The following SLC4A5 variants were observed in gnomAD, a reference collection of about 807,000 sequenced individuals.
SLC4A5 encodes the protein electrogenic sodium bicarbonate cotransporter 4.
A neutral mutation model predicts 120.4 loss-of-function variants in SLC4A5; 96 were observed. The observed-to-expected ratio is 0.80, with a 90% CI of 0.68 to 0.94. The LOEUF is 0.94. Ranked by LOEUF, SLC4A5 falls within the 40% of genes least tolerant of loss-of-function variation. The probability of loss-of-function intolerance (pLI) is 0.00; values close to 1 mark genes in which losing one functional copy is unlikely to be tolerated. For synonymous variants in SLC4A5, 550 were observed against 571.1 expected, an observed-to-expected ratio of 0.96 and a Z score of 0.53; for missense variants, 1,259 against 1,459.5, an observed-to-expected ratio of 0.86 and a Z score of 2.24.
At chr2:74,242,713 C>T (rs1485304433) in intron 19 of SLC4A5, among the ~76,000 whole-genome samples, 6 of 152,268 alleles carry the variant, frequency 3.9e-5, no homozygotes, top group South Asian at 4.1e-4. Flanking sequence ...AGTGCAGTGG[C>T]GTGATCTTAG....
chr2:74,239,405 A>C (rs1218462592), exon 21 of SLC4A5: 1 of 1,614,222 alleles, frequency 6.2e-7, no homozygotes, highest in Non-Finnish European at 8.5e-7. Context: ...CCCAAAGAAA[A>C]GGATGAAGGA....
At chr2:74,244,991 C>T (rs1035653784) in intron 19 of SLC4A5, among the ~76,000 whole-genome samples, 14 of 152,072 alleles carry the variant, frequency 9.2e-5, no homozygotes, top group Non-Finnish European at 1.6e-4. Context: ...TAGAGCACCC[C>T]GGGTTTGTTT....
At chr2:74,323,814 C>T (rs192290191) in intron 5 of SLC4A5, among the ~76,000 whole-genome samples, 43 of 152,276 alleles carry the variant, frequency 2.8e-4, no homozygotes, top group African/African-American at 1.0e-3. Context: ...AAAGAGATGT[C>T]TGTGGTTGTA....
chr2:74,300,978 A>G (rs1449647129), intron 7 of SLC4A5, among the ~76,000 whole-genome samples: 2 of 152,150 alleles, frequency 1.3e-5, no homozygotes, highest in Non-Finnish European at 2.9e-5. Context: ...GAAGCATCAA[A>G]TTTCTTTAGG....
intron 25 of SLC4A5, among the ~76,000 whole-genome samples, chr2:74,228,543 T>C (rs1174886774): frequency 2.0e-5 from 3 of 152,008 alleles, no homozygotes; most frequent in African/African-American, 7.3e-5. Context: ...GGCAGAAGAA[T>C]CGCTTGAATC....
intron 11 of SLC4A5, among the ~76,000 whole-genome samples, chr2:74,261,419 T>C (rs1458478179): frequency 3.9e-5 from 6 of 152,312 alleles, no homozygotes; most frequent in African/African-American, 1.2e-4. Context: ...AGGGGCTGCA[T>C]TGCCCCCAAG....
At chr2:74,340,133 G>GAAC (rs1673592563) in intron 2 of SLC4A5, among the ~76,000 whole-genome samples, 1 of 152,140 alleles carries the variant, frequency 6.6e-6, no homozygotes, top group African/African-American at 2.4e-5. Flanking sequence ...TTGTATTACA[G>GAAC]AACAATGTGA....
At chr2:74,261,917 A>G (rs192721556) in intron 11 of SLC4A5, among the ~76,000 whole-genome samples, 10 of 152,240 alleles carry the variant, frequency 6.6e-5, no homozygotes, top group African/African-American at 2.4e-4. Context: ...GATGTGACTG[A>G]CAGCCTCATT....
At position 74,253,665 on chromosome 2, in the gene SLC4A5, T is replaced by C. The variant is rs145115170; in HGVS notation, c.1114-537A>G. Among the ~76,000 whole-genome samples, 498 of 152,320 alleles carry C rather than the reference T, an allele frequency of 3.3e-3. 2 individuals are homozygous for C. The highest frequency in any genetic ancestry group is 0.012 in the African/African-American group (478 of 41,560). ...ATTTAATTTTACATAAACACACTCT[T>C]TGAGGCCGAAGCAAATCTGACTGAT... On this transcript the variant is annotated intron_variant, in intron 14 of 30. Coordinates refer to ENST00000394019, the Ensembl canonical transcript of SLC4A5.
At chr2:74,261,083 T>A (rs565555565) in intron 11 of SLC4A5, among the ~76,000 whole-genome samples, 1 of 152,292 alleles carries the variant, frequency 6.6e-6, no homozygotes, top group Admixed American at 6.5e-5. Flanking sequence ...CTCTGATCCT[T>A]CCCCTGTGCG....
rs750172235 is a variant in SLC4A5, at chr2:74,292,007, C to T, written c.272-6105G>A. Among the ~76,000 whole-genome samples the T allele has an allele frequency of 2.6e-5, 4 of 152,292 alleles. No homozygotes were observed. The East Asian group carries it at 5.8e-4, about 22-fold the overall frequency. On this transcript the variant is annotated intron_variant, in intron 7 of 30. Transcript: ENST00000394019. ...TCATGTGGTGTTTTAAGAGCCCAGA[C>T]CTGGGCTCAACTCCAGACTCTGCTA... is the stretch of plus-strand genomic sequence containing the variant.
At chr2:74,277,400 C>T (rs1043066375) in intron 8 of SLC4A5, among the ~76,000 whole-genome samples, 1 of 152,016 alleles carries the variant, frequency 6.6e-6, no homozygotes, top group Non-Finnish European at 1.5e-5. Context: ...AACGCAAAAA[C>T]TAGTCAGGCA....
Position 74,254,942 on chromosome 2 carries a change from C to A in SLC4A5, c.1026-236G>T, listed in dbSNP as rs147403645. On this transcript the variant is annotated intron_variant, in intron 13 of 30. Coordinates refer to ENST00000394019, the Ensembl canonical transcript of SLC4A5. Reference sequence around the variant, plus strand: ...TCAAGTGATCCTCCCACCTCAGCCTCCTGAGTAGCTGGGACTACAGGCGTG... The same window carrying A: ...TCAAGTGATCCTCCCACCTCAGCCTACTGAGTAGCTGGGACTACAGGCGTG... Among the ~76,000 whole-genome samples the A allele has an allele frequency of 6.4e-4, 97 of 152,090 alleles. 1 individual carries two copies. Among genetic ancestry groups the A allele is most frequent in the African/African-American group, 2.2e-3 (91 of 41,484 alleles).
intron 15 of SLC4A5, 97 bp from the exon 16 acceptor site, chr2:74,252,485 G>A (rs1670825192): frequency 4.2e-6 from 6 of 1,437,502 alleles, no homozygotes; most frequent in Admixed American, 4.1e-5. Flanking sequence ...AGACAAAAAT[G>A]CAGAAAATTG....
intron 8 of SLC4A5, among the ~76,000 whole-genome samples, chr2:74,270,195 A>C (rs1671428844): frequency 6.6e-6 from 1 of 152,356 alleles, no homozygotes; most frequent in South Asian, 2.1e-4. Flanking sequence ...CTATTTTGGG[A>C]ATCCAGATGT....
Position 74,262,913 on chromosome 2 carries a change from C to T in SLC4A5, c.716-681G>A, listed in dbSNP as rs72921362. 4.0e-3 allele frequency among the ~76,000 whole-genome samples: 612 copies of T among 152,262 alleles called. 3 individuals are homozygous for T. Among genetic ancestry groups the T allele is most frequent in the African/African-American group, 0.014 (587 of 41,538 alleles). On this transcript the variant is annotated intron_variant, in intron 10 of 30. Coordinates refer to ENST00000394019, the Ensembl canonical transcript of SLC4A5. ...AATGGAGACAAGAACCGTACCTACA[C>T]GCCACAGCATTTTTGTGAGGATGAA... is the stretch of plus-strand genomic sequence containing the variant.
chr2:74,221,144 CA>C (rs1438950163), intron 30 of SLC4A5, among the ~76,000 whole-genome samples: 2 of 152,176 alleles, frequency 1.3e-5, no homozygotes, highest in Non-Finnish European at 2.9e-5. Context: ...TGCTGGGCCA[CA>C]ACGTTTACTT....
At chr2:74,223,847 A>G (rs1174898980) in intron 28 of SLC4A5, among the ~76,000 whole-genome samples, 1 of 152,202 alleles carries the variant, frequency 6.6e-6, no homozygotes, top group Non-Finnish European at 1.5e-5. Flanking sequence ...GTTCTGACTG[A>G]TCAGAAGATG....
intron 7 of SLC4A5, among the ~76,000 whole-genome samples, chr2:74,288,717 G>A (rs1163864779): frequency 6.6e-6 from 1 of 152,258 alleles, no homozygotes; most frequent in Non-Finnish European, 1.5e-5. Context: ...CTTGTGTCCA[G>A]GCAATACACC....
Sources: gnomAD v4.1 joint callset for allele counts (sites outside exome capture counted in the v4.1 genomes callset) on GRCh38, gnomAD v4.1.1 for gene constraint, MANE v1.5 for transcripts, NCBI Gene and HGNC (gene_info 2026-07-23, HGNC 2026-07-21) for gene names.